The following CA10 variants were observed in gnomAD, a reference collection of about 807,000 sequenced individuals.
CA10 encodes the protein carbonic anhydrase 10 (inactive).
In CA10, 14 loss-of-function variants were observed where a neutral mutation model predicts 44.2. The ratio of observed to expected loss-of-function variants is 0.32; its 90% CI spans 0.21 to 0.50. The LOEUF is 0.50. Ranked by LOEUF, CA10 falls within the 20% of genes least tolerant of loss-of-function variation. The pLI is 0.99. For missense variants in CA10, 350 were observed against 409.7 expected (o/e 0.85, Z 1.26); for synonymous variants, 159 against 141.6 (o/e 1.12, Z -0.87).
intron 3 of CA10, among the ~76,000 whole-genome samples, chr17:51,749,480 C>G (rs1904820482): frequency 6.6e-6 from 1 of 152,242 alleles, no homozygotes; most frequent in Admixed American, 6.5e-5. Context: ...ACGGGCTACT[C>G]TGTGGCTGAT....
chr17:51,748,213 A>C (rs1904774349), intron 3 of CA10, among the ~76,000 whole-genome samples: 1 of 152,198 alleles, frequency 6.6e-6, no homozygotes, highest in Non-Finnish European at 1.5e-5. Context: ...GTGAGATATT[A>C]AGAAGGCCAA....
chr17:51,713,598 G>T (rs771233574), intron 4 of CA10, among the ~76,000 whole-genome samples: 3 of 152,170 alleles, frequency 2.0e-5, no homozygotes, highest in Non-Finnish European at 4.4e-5. Context: ...TAGAGCAAAG[G>T]GTAGAGTGTG....
At chr17:51,683,474 C>T (rs1355966356) in intron 4 of CA10, among the ~76,000 whole-genome samples, 4 of 152,110 alleles carry the variant, frequency 2.6e-5, no homozygotes, top group Non-Finnish European at 5.9e-5. Flanking sequence ...ATGAGATAAT[C>T]GACGGGAAAA....
chr17:51,726,270 A>G (rs1916519039), intron 4 of CA10, among the ~76,000 whole-genome samples: 1 of 152,226 alleles, frequency 6.6e-6, no homozygotes, highest in Non-Finnish European at 1.5e-5. Flanking sequence ...TATTCCAGGT[A>G]ACCCCTTGCT....
rs183422086 is a variant in CA10 at position 51,818,251 on chromosome 17, G to A, written c.280-70433C>T. ...TTGGGAACTCATTTAAATAAGAAAG[G>A]AAATAAGTTAGCTGAGTAAATCTTT... On this transcript the variant is annotated intron_variant, in intron 3 of 8. Coordinates refer to ENST00000451037, the MANE Select transcript of CA10 (RefSeq NM_020178.5). Among the ~76,000 whole-genome samples, 26 of 152,252 alleles carry A rather than the reference G, an allele frequency of 1.7e-4. No individual in the cohort carries two copies. In the East Asian group the frequency reaches 5.0e-3, roughly 29 times the overall value.
At chr17:52,095,616 GTC>G (rs1234433468) in intron 1 of CA10, among the ~76,000 whole-genome samples, 1 of 152,064 alleles carries the variant, frequency 6.6e-6, no homozygotes, top group Non-Finnish European at 1.5e-5. Context: ...GAAAACATTT[GTC>G]TCTCCTGACA....
intron 3 of CA10, among the ~76,000 whole-genome samples, chr17:51,879,693 C>T (rs1045464410): frequency 1.3e-5 from 2 of 152,198 alleles, no homozygotes; most frequent in Non-Finnish European, 2.9e-5. Context: ...GAAAAGCTCA[C>T]TGCAGAGAGG....
chr17:51,971,566 G>T (rs1380881275), intron 2 of CA10, among the ~76,000 whole-genome samples: 1 of 150,294 alleles, frequency 6.7e-6, no homozygotes, highest in Non-Finnish European at 1.5e-5. Context: ...TGCTTAATCA[G>T]GACTTGTGCT....
chr17:51,676,315 G>A (rs1353977345), intron 4 of CA10, among the ~76,000 whole-genome samples: 1 of 152,166 alleles, frequency 6.6e-6, no homozygotes, highest in Non-Finnish European at 1.5e-5. Flanking sequence ...GGAGACCAGA[G>A]GGCCAAAGTA....
intron 4 of CA10, among the ~76,000 whole-genome samples, chr17:51,737,134 T>G (rs1186207375): frequency 6.6e-6 from 1 of 152,196 alleles, no homozygotes; most frequent in Non-Finnish European, 1.5e-5. Context: ...GGTCACTCAG[T>G]GCATAGCTGG....
chr17:51,656,375 G>T (rs56872631), intron 4 of CA10, among the ~76,000 whole-genome samples: 1 of 152,038 alleles, frequency 6.6e-6, no homozygotes, highest in Non-Finnish European at 1.5e-5. Flanking sequence ...CAAGTACAGG[G>T]CTGAGGCTGT....
At chr17:51,689,671 A>C (rs1915121277) in intron 4 of CA10, among the ~76,000 whole-genome samples, 1 of 152,174 alleles carries the variant, frequency 6.6e-6, no homozygotes, top group South Asian at 2.1e-4. Context: ...AGAGACTGAC[A>C]TCCTTTACAA....
intron 2 of CA10, among the ~76,000 whole-genome samples, chr17:52,019,992 AT>A: frequency 6.6e-6 from 1 of 151,976 alleles, no homozygotes; most frequent in South Asian, 2.1e-4. Flanking sequence ...GTTGTTGAGA[AT>A]TGTTACAGTC....
chr17:52,069,277 C>T (rs1987617246), intron 2 of CA10, among the ~76,000 whole-genome samples: 1 of 152,158 alleles, frequency 6.6e-6, no homozygotes, highest in African/African-American at 2.4e-5. Context: ...AAACCAATTA[C>T]TGAGAAGAAA....
chr17:51,913,474 G>C (rs1377519578), intron 3 of CA10, among the ~76,000 whole-genome samples: 1 of 152,130 alleles, frequency 6.6e-6, no homozygotes, highest in Admixed American at 6.6e-5. Context: ...TGAGATTTTT[G>C]TGAAATTTGG....
At chr17:52,040,823 T>C (rs1228483353) in intron 2 of CA10, among the ~76,000 whole-genome samples, 1 of 152,014 alleles carries the variant, frequency 6.6e-6, no homozygotes, top group Non-Finnish European at 1.5e-5. Context: ...GCCAGAAATG[T>C]GCAGATGGGT....
intron 4 of CA10, among the ~76,000 whole-genome samples, chr17:51,728,339 A>G (rs970064282): frequency 4.6e-5 from 7 of 152,126 alleles, no homozygotes; most frequent in Non-Finnish European, 1.0e-4. Flanking sequence ...TATGAACTAA[A>G]TTAGAGACTA....
chr17:51,696,301 T>C (rs566195374), intron 4 of CA10, among the ~76,000 whole-genome samples: 1 of 152,212 alleles, frequency 6.6e-6, no homozygotes, highest in Non-Finnish European at 1.5e-5. Context: ...TGATTTGGCC[T>C]TTTTTTGGTT....
intron 3 of CA10, among the ~76,000 whole-genome samples, chr17:51,794,782 C>T (rs992596074): frequency 2.6e-5 from 4 of 152,142 alleles, no homozygotes; most frequent in Admixed American, 2.6e-4. Flanking sequence ...CTAAAGAGTA[C>T]AACCCAGGAA....
Sources: gnomAD v4.1 joint callset for allele counts (sites outside exome capture counted in the v4.1 genomes callset) on GRCh38, gnomAD v4.1.1 for gene constraint, MANE v1.5 for transcripts, NCBI Gene and HGNC (gene_info 2026-07-23, HGNC 2026-07-21) for gene names.